The following EMILIN3 variants were observed in gnomAD, a reference collection of about 807,000 sequenced individuals.
EMILIN3 encodes the protein EMILIN-3.
Under a neutral mutation model 42.8 loss-of-function variants are expected in EMILIN3, and 38 were observed. The observed-to-expected ratio is 0.89, with a 90% confidence interval of 0.69 to 1.16. The LOEUF (loss-of-function observed/expected upper bound fraction) is 1.16, where lower values mean the gene tolerates loss of function less well. EMILIN3 is among the 50% of genes most tolerant of loss of function. The pLI is 0.00. For synonymous variants in EMILIN3, 430 were observed against 440.5 expected (o/e 0.98, Z 0.30); for missense variants, 924 against 999.5 (o/e 0.92, Z 1.02).
Position 41,361,563 on chromosome 20 carries a change from GC to G in EMILIN3, c.2005del (p.Ala669ProfsTer4), listed in dbSNP as rs1569018548. The G allele has an allele frequency of 6.2e-7, 1 of 1,611,538 alleles. No homozygotes were observed. Among genetic ancestry groups the G allele is most frequent in the East Asian group, 2.2e-5 (1 of 44,882 alleles). On this transcript the variant is annotated frameshift_variant, in exon 4 of 4. Coordinates refer to ENST00000332312, the MANE Select transcript of EMILIN3 (RefSeq NM_052846.2). LOFTEE classifies it high-confidence loss of function. ...GTCCTGGCAGCGGCTCAGCCCACTG[GC>G]CACCTTGGCCACACCAGCCTTGAGT... ...EQLKAGVAKV[A>X]SGLSRCQDTA...
In EMILIN3 at chr20:41,361,418, T is replaced by C. The variant is rs377380669; in HGVS notation, c.2151A>G (p.Pro717=). 2 of 1,611,044 alleles carry C rather than the reference T, an allele frequency of 1.2e-6. No homozygotes were observed. Among genetic ancestry groups the C allele is most frequent in the South Asian group, 2.2e-5 (2 of 90,732 alleles). Residue 717 remains proline (P), a synonymous_variant, in exon 4 of 4, where the codon CCA becomes CCG. Transcript: ENST00000332312. ...TCCACAGGCCCTCTCTGGGCCTCAG[T>C]GGCTCAGTGGGCAAGCTGTCCAGGC... ...AAGLDSLPTE[P]LRPREGLWSH... is the part of the protein sequence containing the mutation.
Position 41,361,341 on chromosome 20 carries a change from G to A in EMILIN3, c.2228C>T (p.Ala743Val). 1 of 1,611,624 alleles carries A rather than the reference G, an allele frequency of 6.2e-7. No individual in the cohort carries two copies. Among genetic ancestry groups the A allele is most frequent in the Non-Finnish European group, 8.5e-7 (1 of 1,178,416 alleles). The change falls in exon 4 of 4, where the codon GCC (alanine) becomes GTC (valine). Residue 743 changes from alanine to valine, a missense_variant. By Grantham distance (64) the Ala-to-Val change is moderately conservative (BLOSUM62 0). Coordinates refer to ENST00000332312, the MANE Select transcript of EMILIN3 (RefSeq NM_052846.2). ...GTCCAGTAGGTCATCCCGGAGGCGG[G>A]CAATGTCCTGCGTGTGCTGGGCCAG... is the stretch of plus-strand genomic sequence containing the variant. ...RTLAQHTQDI[A>V]RLRDDLLDCQ...
rs368864313 is a variant in EMILIN3, at chr20:41,361,907, G to A, written c.1662C>T (p.His554=). The change falls in exon 4 of 4, where the codon CAC becomes CAT. Residue 554 remains histidine, a synonymous_variant. Transcript: ENST00000332312. ...CATTGAGCTGCTGGAGCAGTGCTGC[G>A]TGGCTGGCCACCTGGCGTAGGAGGG... ...SEALLRQVAS[H]AALLQQLNGT... The A allele has an allele frequency of 1.2e-5, 19 of 1,613,194 alleles. No individual in the cohort carries two copies. The highest frequency in any genetic ancestry group is 2.7e-5 in the African/African-American group (2 of 74,934).
chr20:41,361,582 C>G lies in EMILIN3; in HGVS notation c.1987G>C (p.Ala663Pro), dbSNP rs762945991. 1.2e-6 allele frequency: 2 copies of G among 1,612,072 alleles called. No homozygotes were observed. Among genetic ancestry groups the G allele is most frequent in the Non-Finnish European group, 1.7e-6 (2 of 1,179,996 alleles). Residue 663 changes from alanine to proline, a missense_variant, in exon 4 of 4, where the codon GCT becomes CCT. Ala to Pro is a conservative substitution (Grantham distance 27). Coordinates refer to ENST00000332312, the MANE Select transcript of EMILIN3 (RefSeq NM_052846.2). ...CCACTGGCCACCTTGGCCACACCAGCCTTGAGTTGCTCCAGCTCCCCACGC... is the reference window on the plus strand; with the variant it reads ...CCACTGGCCACCTTGGCCACACCAGGCTTGAGTTGCTCCAGCTCCCCACGC... ...NLRGELEQLK[A>P]GVAKVASGLS...
chr20:41,362,080 T>A lies in EMILIN3; in HGVS notation c.1489A>T (p.Arg497Trp). 1 of 1,607,206 alleles carries A rather than the reference T, an allele frequency of 6.2e-7. No homozygotes were observed. Among genetic ancestry groups the A allele is most frequent in the South Asian group, 1.1e-5 (1 of 90,886 alleles). Residue 497 changes from arginine (R) to tryptophan (W), a missense_variant, in exon 4 of 4, where the codon AGG becomes TGG. Physicochemically the swap from Arg to Trp is moderately radical, Grantham distance 101. Coordinates refer to ENST00000332312, the MANE Select transcript of EMILIN3 (RefSeq NM_052846.2). The stretch of plus-strand genomic sequence containing the variant: ...GTCTGTACAAGGGGCCGAGCTGACC[T>A]GCCCGGAGAGGCGCTGTCATGGCTT... ...ELSHDSASPG[R>W]SARPLVQTEL...
rs1014936966 is a variant in EMILIN3 at position 41,366,740 on chromosome 20, G to C, written c.-106C>G. On this transcript the variant is annotated 5_prime_UTR_variant, in exon 1 of 4. Coordinates refer to ENST00000332312, the MANE Select transcript of EMILIN3 (RefSeq NM_052846.2). The surrounding 1 kb of genome is among the most constrained non-coding windows in gnomAD (Gnocchi z 4.2). Reference sequence around the variant, plus strand: ...CTGGTCGGCCCGGGTCCCGCCCCGAGGGTCCCGGGGTCCCCTTCGGCCCCC... The same window carrying C: ...CTGGTCGGCCCGGGTCCCGCCCCGACGGTCCCGGGGTCCCCTTCGGCCCCC... 3.5e-5 allele frequency: 26 copies of C among 740,600 alleles called. No homozygotes were observed. Among genetic ancestry groups the C allele is most frequent in the Non-Finnish European group, 4.1e-5 (25 of 607,728 alleles). 45.9% of individuals were successfully genotyped at this position (740,600 alleles called of 1,614,324 possible). A position where few individuals can be genotyped will look rare whatever the true frequency, so the allele number is the denominator to read the frequency against.
chr20:41,363,949 C>T (rs1052127122), intron 2 of EMILIN3, 88 bp from the exon 3 acceptor site: 2 of 1,290,032 alleles, frequency 1.6e-6, no homozygotes, highest in African/African-American at 1.5e-5. Flanking sequence ...CCCTCAGACA[C>T]TTGCATAAGG....
intron 3 of EMILIN3, 89 bp from the exon 4 acceptor site, chr20:41,363,143 CTT>C (rs796911772): frequency 0.018 from 16,856 of 936,154 alleles, no homozygotes; most frequent in South Asian, 0.028. Flanking sequence ...ACTTTCTGTT[CTT>C]TTTTTTTTTT....
At chr20:41,363,156 T>TA in intron 3 of EMILIN3, 102 bp from the exon 4 acceptor site, 1 of 1,143,828 alleles carries the variant, frequency 8.7e-7, no homozygotes, top group Admixed American at 2.9e-5. Context: ...TTTTTTTTTT[T>TA]TTGAGACAGA....
At position 41,366,747 on chromosome 20, in the gene EMILIN3, G is replaced by A. The variant is rs1470584055; in HGVS notation, c.-113C>T. 8 of 736,810 alleles carry A rather than the reference G, an allele frequency of 1.1e-5. No individual in the cohort carries two copies. The Admixed American group carries it at 2.5e-4, about 23-fold the overall frequency. 45.6% of individuals were successfully genotyped at this position (736,810 alleles called of 1,614,324 possible). On this transcript the variant is annotated 5_prime_UTR_variant, in exon 1 of 4. Coordinates refer to ENST00000332312, the MANE Select transcript of EMILIN3 (RefSeq NM_052846.2). The surrounding 1 kb of genome is among the most constrained non-coding windows in gnomAD (Gnocchi z 4.2). Reference sequence around the variant, plus strand: ...GCCCGGGTCCCGCCCCGAGGGTCCCGGGGTCCCCTTCGGCCCCCGAGCTCG... The same window carrying A: ...GCCCGGGTCCCGCCCCGAGGGTCCCAGGGTCCCCTTCGGCCCCCGAGCTCG...
chr20:41,363,977 T>C, intron 2 of EMILIN3, 116 bp from the exon 3 acceptor site: 1 of 911,550 alleles, frequency 1.1e-6, no homozygotes, highest in Non-Finnish European at 1.7e-6. Flanking sequence ...TCTCCCCACC[T>C]CCATAGCACC....
rs1337433452 is a variant in EMILIN3, at chr20:41,366,642, C to T, written c.-8G>A. On this transcript the variant is annotated 5_prime_UTR_variant, in exon 1 of 4. Transcript: ENST00000332312. This position sits in a 1 kb window ranked among gnomAD's most constrained non-coding sequence, Gnocchi z 4.2. The stretch of plus-strand genomic sequence containing the variant: ...CAGGCGGCGGCGGCCCATAGCGGCC[C>T]CCGCGCCTCTGCCCGGCCCCGCGCG... 2.9e-6 allele frequency: 3 copies of T among 1,033,462 alleles called. No homozygotes were observed. The highest frequency in any genetic ancestry group is 3.5e-6 in the Non-Finnish European group (3 of 863,098). 64.0% of individuals were successfully genotyped at this position (1,033,462 alleles called of 1,614,324 possible).
At chr20:41,363,194 G>C in intron 3 of EMILIN3, 140 bp from the exon 4 acceptor site, 1 of 762,014 alleles carries the variant, frequency 1.3e-6, no homozygotes, top group Non-Finnish European at 2.0e-6. Flanking sequence ...AGGCTGGAGT[G>C]CAGTGGTGTG....
chr20:41,363,200 G>GTGTGCTCT (rs1194954691), intron 3 of EMILIN3, 146 bp from the exon 4 acceptor site: 1 of 743,924 alleles, frequency 1.3e-6, no homozygotes, highest in African/African-American at 1.8e-5. Flanking sequence ...GAGTGCAGTG[G>GTGTGCTCT]TGTGCTCTTG....
Position 41,360,692 on chromosome 20 carries a change from A to G in EMILIN3, c.*576T>C, listed in dbSNP as rs933300543. 3 of 154,292 alleles carry G rather than the reference A, an allele frequency of 1.9e-5. No homozygotes were observed. Among genetic ancestry groups the G allele is most frequent in the African/African-American group, 7.2e-5 (3 of 41,480 alleles). 9.6% of individuals were successfully genotyped at this position (154,292 alleles called of 1,614,324 possible). A position where few individuals can be genotyped will look rare whatever the true frequency, so the allele number is the denominator to read the frequency against. On this transcript the variant is annotated 3_prime_UTR_variant, in exon 4 of 4. Transcript: ENST00000332312. Reference sequence around the variant, plus strand: ...ATCCATGAAGCTGCCAGGTGTGAGGAGAGTTCCAGTGGGCATCACCTTCCT... The same window carrying G: ...ATCCATGAAGCTGCCAGGTGTGAGGGGAGTTCCAGTGGGCATCACCTTCCT...
At position 41,362,948 on chromosome 20, in the gene EMILIN3, G is replaced by C; in HGVS notation, c.621C>G (p.His207Gln). The change falls in exon 4 of 4, where the codon CAC (histidine) becomes CAG (glutamine). Residue 207 changes from histidine to glutamine, a missense_variant. His to Gln is a conservative substitution (Grantham distance 24). Coordinates refer to ENST00000332312, the MANE Select transcript of EMILIN3 (RefSeq NM_052846.2). ...CACCAGTCATCCTGTTGGGATCCTC[G>C]TGGCTAGCCACCAGGCCACTGAGGG... ...YGTLSGLVAS[H>Q]EDPNRMTGGP... is the part of the protein sequence containing the mutation. The C allele has an allele frequency of 1.2e-6, 2 of 1,613,512 alleles. No individual in the cohort carries two copies. The highest frequency in any genetic ancestry group is 1.7e-6 in the Non-Finnish European group (2 of 1,179,838).
At position 41,366,431 on chromosome 20, in the gene EMILIN3, C is replaced by CCCT. The variant is rs536846937; in HGVS notation, c.167+34_167+36dup. 1.7e-4 allele frequency: 191 copies of CCCT among 1,107,168 alleles called. 1 individual carries two copies. The South Asian group carries it at 3.0e-3, about 17-fold the overall frequency. The allele number at this position is 1,107,168 out of a possible 1,614,324, so 68.6% of individuals were successfully genotyped here. ...GGAGCGGCGACGCGCGCGGGCCCAT[C>CCCT]CCTCCCTCTTCCCGCCCGCCGCCCG... On this transcript the variant is annotated intron_variant, in intron 1 of 3. Transcript: ENST00000332312. This position sits in a 1 kb window ranked among gnomAD's most constrained non-coding sequence, Gnocchi z 4.2.
Position 41,366,211 on chromosome 20 carries a change from G to A in EMILIN3, c.167+257C>T, listed in dbSNP as rs769086635. ...CTGGAAAATGTTACTTCGCTGGAAA[G>A]GTTTCCGCTGGCACTGCCAGGATCC... On this transcript the variant is annotated intron_variant, in intron 1 of 3. Transcript: ENST00000332312. The surrounding 1 kb of genome is among the most constrained non-coding windows in gnomAD (Gnocchi z 4.2). Among the ~76,000 whole-genome samples, 2 of 152,190 alleles carry A rather than the reference G, an allele frequency of 1.3e-5. No homozygotes were observed. The highest frequency in any genetic ancestry group is 2.9e-5 in the Non-Finnish European group (2 of 68,024).
At chr20:41,364,357 C>G (rs78886984) in intron 2 of EMILIN3, among the ~76,000 whole-genome samples, 1 of 152,124 alleles carries the variant, frequency 6.6e-6, no homozygotes, top group South Asian at 2.1e-4. Context: ...TAGCCTGCTC[C>G]GGGACCTCGG....
Sources: allele counts gnomAD v4.1 joint callset (sites outside exome capture counted in the v4.1 genomes callset), GRCh38; gene constraint gnomAD v4.1.1; non-coding constraint Gnocchi (gnomAD v3.1); transcripts MANE v1.5; gene names NCBI Gene and HGNC (gene_info 2026-07-23, HGNC 2026-07-21).